Variants in PDZRN4 observed in about 807,000 individuals in gnomAD.
PDZRN4 encodes the protein PDZ domain-containing RING finger protein 4.
In PDZRN4, 70 loss-of-function variants were observed where a neutral mutation model predicts 99.0. The observed-to-expected ratio is 0.71, with a 90% CI of 0.58 to 0.86. PDZRN4 has a LOEUF of 0.86. Ranked by LOEUF, PDZRN4 falls within the 40% of genes least tolerant of loss-of-function variation. PDZRN4 has a pLI of 0.00. For synonymous variants in PDZRN4, 551 were observed against 501.6 expected, an observed-to-expected ratio of 1.10 and a Z score of -1.32; for missense variants, 1,474 against 1,331.2, an observed-to-expected ratio of 1.11 and a Z score of -1.67.
chr12:41,396,236 T>C (rs1166534125), intron 3 of PDZRN4, among the ~76,000 whole-genome samples: 1 of 152,152 alleles, frequency 6.6e-6, no homozygotes, highest in African/African-American at 2.4e-5. Flanking sequence ...ATTTTTCCTC[T>C]AGTTTCCAAT....
At chr12:41,426,392 G>C (rs1344501336) in intron 3 of PDZRN4, among the ~76,000 whole-genome samples, 1 of 152,108 alleles carries the variant, frequency 6.6e-6, no homozygotes, top group Non-Finnish European at 1.5e-5. Context: ...AACTACACAA[G>C]GAAACAATGA....
intron 3 of PDZRN4, among the ~76,000 whole-genome samples, chr12:41,384,558 T>C (rs542706013): frequency 1.8e-4 from 27 of 152,192 alleles, no homozygotes; most frequent in Non-Finnish European, 3.4e-4. Flanking sequence ...GAGACCCAGA[T>C]GTCCTCCGCT....
intron 3 of PDZRN4, among the ~76,000 whole-genome samples, chr12:41,446,031 G>T (rs1047083342): frequency 1.3e-5 from 2 of 151,932 alleles, no homozygotes; most frequent in Admixed American, 1.3e-4. Flanking sequence ...AGCCTTAAAA[G>T]GGTTATTATG....
intron 3 of PDZRN4, among the ~76,000 whole-genome samples, chr12:41,428,919 A>G (rs1263546277): frequency 3.9e-5 from 6 of 152,180 alleles, no homozygotes; most frequent in Non-Finnish European, 5.9e-5. Context: ...CACTAGATGT[A>G]GGGAGAGGGA....
chr12:41,541,643 CG>C (rs1938858494), intron 5 of PDZRN4, among the ~76,000 whole-genome samples: 1 of 151,724 alleles, frequency 6.6e-6, no homozygotes, highest in South Asian at 2.1e-4. Flanking sequence ...TTAGTAGAGA[CG>C]GGGTTTCACC....
chr12:41,389,148 T>C (rs1051559701), intron 3 of PDZRN4, among the ~76,000 whole-genome samples: 7 of 152,160 alleles, frequency 4.6e-5, no homozygotes, highest in African/African-American at 1.7e-4. Context: ...AAACTAAGAA[T>C]TTTGACTCCT....
At chr12:41,263,272 G>T (rs575049306) in intron 3 of PDZRN4, among the ~76,000 whole-genome samples, 1 of 152,166 alleles carries the variant, frequency 6.6e-6, no homozygotes, top group Non-Finnish European at 1.5e-5. Flanking sequence ...AATGAAAATA[G>T]TTGGGCGCGG....
At chr12:41,237,157 A>G (rs1951073253) in intron 3 of PDZRN4, among the ~76,000 whole-genome samples, 1 of 152,132 alleles carries the variant, frequency 6.6e-6, no homozygotes, top group Non-Finnish European at 1.5e-5. Flanking sequence ...CCTTCTTGAT[A>G]CTGGTGCCCC....
rs1592038412 is a variant in PDZRN4, at chr12:41,386,395, A to T, written c.844-120061A>T. 2.6e-5 allele frequency among the ~76,000 whole-genome samples: 4 copies of T among 152,286 alleles called. No homozygotes were observed. The South Asian group carries it at 8.3e-4, about 32-fold the overall frequency. ...AACTTTGGCAAAAATTGAATAAAATACCTAGGAATACAGATAACTAGGGAG... is the reference window on the plus strand; with the variant it reads ...AACTTTGGCAAAAATTGAATAAAATTCCTAGGAATACAGATAACTAGGGAG... On this transcript the variant is annotated intron_variant, in intron 3 of 9. Transcript: ENST00000402685.
At chr12:41,291,398 C>T (rs930031780) in intron 3 of PDZRN4, among the ~76,000 whole-genome samples, 1 of 152,104 alleles carries the variant, frequency 6.6e-6, no homozygotes. Flanking sequence ...TTCAGTTTTA[C>T]CCCTAATTTC....
chr12:41,504,030 G>A (rs113722090), intron 3 of PDZRN4, among the ~76,000 whole-genome samples: 11,187 of 152,128 alleles, frequency 0.074, 999 homozygotes, highest in African/African-American at 0.19. Flanking sequence ...CAGCACTTTG[G>A]GAGGCTGAGG....
At chr12:41,281,042 G>A (rs1480044227) in intron 3 of PDZRN4, among the ~76,000 whole-genome samples, 1 of 152,184 alleles carries the variant, frequency 6.6e-6, no homozygotes, top group Non-Finnish European at 1.5e-5. Context: ...CTGCTGTTCT[G>A]CATCCTCTGC....
In PDZRN4 at chr12:41,573,402, A is replaced by C; in HGVS notation, c.2623A>C (p.Met875Leu). ...YAQSQLSLVS[M>L]CKESQKCSEP... Reference sequence around the variant, plus strand: ...TCAGAGTCAGCTCAGCTTGGTGAGCATGTGCAAGGAGTCTCAGAAGTGTTC... The same window carrying C: ...TCAGAGTCAGCTCAGCTTGGTGAGCCTGTGCAAGGAGTCTCAGAAGTGTTC... The change falls in exon 10 of 10, where the codon ATG (methionine) becomes CTG (leucine). Residue 875 changes from methionine to leucine, a missense_variant. Met to Leu is a conservative substitution (Grantham distance 15, BLOSUM62 2). Coordinates refer to ENST00000402685, the MANE Select transcript of PDZRN4 (RefSeq NM_001164595.2). 2 of 1,613,600 alleles carry C rather than the reference A, an allele frequency of 1.2e-6. No individual in the cohort carries two copies. The highest frequency in any genetic ancestry group is 4.5e-5 in the East Asian group (2 of 44,864).
chr12:41,262,054 C>T (rs1206654469), intron 3 of PDZRN4, among the ~76,000 whole-genome samples: 1 of 152,156 alleles, frequency 6.6e-6, no homozygotes, highest in African/African-American at 2.4e-5. Flanking sequence ...TGCAATTTCT[C>T]TTCCAATCTT....
chr12:41,492,936 G>A (rs1937918644), intron 3 of PDZRN4, among the ~76,000 whole-genome samples: 1 of 152,074 alleles, frequency 6.6e-6, no homozygotes, highest in Non-Finnish European at 1.5e-5. Flanking sequence ...ATGACATTCT[G>A]GAAATTATAC....
intron 8 of PDZRN4, among the ~76,000 whole-genome samples, 189 bp from the exon 9 acceptor site, chr12:41,567,594 C>T (rs1939396389): frequency 7.1e-6 from 1 of 140,302 alleles, no homozygotes; most frequent in Admixed American, 7.9e-5. Context: ...GGATAAAAGG[C>T]ATAAGAGTCC....
At chr12:41,207,309 G>T (rs1382574020) in intron 3 of PDZRN4, among the ~76,000 whole-genome samples, 1 of 151,750 alleles carries the variant, frequency 6.6e-6, no homozygotes, top group African/African-American at 2.4e-5. Context: ...GATAAAGTTA[G>T]ATTCCCAGAC....
chr12:41,281,529 C>T (rs536744106), intron 3 of PDZRN4, among the ~76,000 whole-genome samples: 27 of 152,008 alleles, frequency 1.8e-4, no homozygotes, highest in Non-Finnish European at 3.4e-4. Context: ...ATAAATGACC[C>T]GATGGAGCTG....
chr12:41,193,411 G>C (rs757131705), intron 2 of PDZRN4, among the ~76,000 whole-genome samples: 1 of 152,146 alleles, frequency 6.6e-6, no homozygotes, highest in Admixed American at 6.5e-5. Flanking sequence ...TTGACTTCTT[G>C]TGACTGGCTA....
Sources: gnomAD v4.1 joint callset for allele counts (sites outside exome capture counted in the v4.1 genomes callset) on GRCh38, gnomAD v4.1.1 for gene constraint, MANE v1.5 for transcripts, NCBI Gene and HGNC (gene_info 2026-07-23, HGNC 2026-07-21) for gene names.